Variants in ANPEP observed in about 807,000 individuals in gnomAD.
The protein encoded by ANPEP is aminopeptidase N.
Under a neutral mutation model 114.6 loss-of-function variants are expected in ANPEP, and 70 were observed. The ratio of observed to expected loss-of-function variants is 0.61; its 90% CI spans 0.50 to 0.75. ANPEP has a LOEUF of 0.75. ANPEP is among the 30% of genes least tolerant of loss of function. The pLI is 0.00. For synonymous variants in ANPEP, 548 were observed against 522.3 expected (o/e 1.05, Z -0.67); for missense variants, 1,184 against 1,259.5 (o/e 0.94, Z 0.91).
At chr15:89,804,763 C>G (rs1428007326) in intron 4 of ANPEP, 146 bp from the exon 5 acceptor site, 79 of 1,177,174 alleles carry the variant, frequency 6.7e-5, no homozygotes, top group Non-Finnish European at 9.3e-5. Context: ...GCCTGGTCAG[C>G]AGAGGGGAAC....
intron 20 of ANPEP, among the ~76,000 whole-genome samples, chr15:89,789,745 C>T (rs1968579879): frequency 7.0e-6 from 1 of 143,024 alleles, no homozygotes; most frequent in South Asian, 2.2e-4. Context: ...TGCACCACTC[C>T]AGCCTGCATG....
Position 89,799,693 on chromosome 15 carries a change from G to T in ANPEP, c.1820-134C>A. 1 of 1,299,182 alleles carries T rather than the reference G, an allele frequency of 7.7e-7. No individual in the cohort carries two copies. Among genetic ancestry groups the T allele is most frequent in the Non-Finnish European group, 1.1e-6 (1 of 937,488 alleles). 80.5% of individuals were successfully genotyped at this position (1,299,182 alleles called of 1,614,324 possible). A position where few individuals can be genotyped will look rare whatever the true frequency, so the allele number is the denominator to read the frequency against. On this transcript the variant is annotated intron_variant, in intron 12 of 20. Transcript: ENST00000300060. This position sits in a 1 kb window ranked among gnomAD's most constrained non-coding sequence, Gnocchi z 4.2. ...AGCTGCTGGGGAGACGCTAAGGGTG[G>T]GGAAGGAAGGGATGAGGAACTGGGC...
Position 89,806,364 on chromosome 15 carries a change from A to AACGATTCC in ANPEP, c.212_219dup (p.Tyr74GlyfsTer10), listed in dbSNP as rs755305411. 10 of 1,614,040 alleles carry AACGATTCC rather than the reference A, an allele frequency of 6.2e-6. No individual in the cohort carries two copies. The highest frequency in any genetic ancestry group is 8.5e-6 in the Non-Finnish European group (10 of 1,179,982). ...GGTTTCAGCGTGTTGGGGAGGCGGT[A>AACGATTCC]ACGATTCCACGCTTTACTTTGGTCC... On this transcript the variant is annotated frameshift_variant, in exon 2 of 21. Coordinates refer to ENST00000300060, the MANE Select transcript of ANPEP (RefSeq NM_001150.3). LOFTEE classifies it high-confidence loss of function. The surrounding 1 kb of genome is among the most constrained non-coding windows in gnomAD (Gnocchi z 5.7).
At position 89,805,111 on chromosome 15, in the gene ANPEP, G is replaced by A; in HGVS notation, c.864C>T (p.Asp288=). The change falls in exon 4 of 21, where the codon GAC becomes GAT. Residue 288 remains aspartate (D), a synonymous_variant. Coordinates refer to ENST00000300060, the MANE Select transcript of ANPEP (RefSeq NM_001150.3). ...CATTGGATGCCTGCTTCTCCACGTAGTCGAACTCACTGACAATGAAGGCCA... is the reference window on the plus strand; with the variant it reads ...CATTGGATGCCTGCTTCTCCACGTAATCGAACTCACTGACAATGAAGGCCA... ...YLLAFIVSEF[D]YVEKQASNGV... is the part of the protein sequence containing the mutation. The A allele has an allele frequency of 6.2e-7, 1 of 1,614,250 alleles. No homozygotes were observed. Among genetic ancestry groups the A allele is most frequent in the African/African-American group, 1.3e-5 (1 of 75,078 alleles).
chr15:89,811,519 G>A (rs1308376586), intron 1 of ANPEP, among the ~76,000 whole-genome samples: 4 of 151,786 alleles, frequency 2.6e-5, no homozygotes, highest in African/African-American at 9.7e-5. Context: ...GGTGGTGGGC[G>A]CCTGTAATCC....
At chr15:89,804,711 C>G in intron 4 of ANPEP, 94 bp from the exon 5 acceptor site, 1 of 1,519,974 alleles carries the variant, frequency 6.6e-7, no homozygotes, top group East Asian at 2.3e-5. Flanking sequence ...GGGGGGATCC[C>G]TGATGGGCCA....
At position 89,805,215 on chromosome 15, in the gene ANPEP, G is replaced by C. The variant is rs370085507; in HGVS notation, c.760C>G (p.Pro254Ala). The C allele has an allele frequency of 3.1e-6, 5 of 1,614,102 alleles. No homozygotes were observed. The African/African-American group carries it at 5.3e-5, about 17-fold the overall frequency. ...TALSNMLPKG[P>A]STPLPEDPNW... ...GGGTCTTCTGGAAGTGGGGTGCTGG[G>C]ACCTGGGCAGGGAGCATGTGTGTGT... Residue 254 changes from proline (P) to alanine (A), a missense_variant and splice_region_variant, in exon 4 of 21, where the codon CCC (proline) becomes GCC (alanine). Transcript: ENST00000300060.
chr15:89,812,262 A>T (rs1894829250), intron 1 of ANPEP, among the ~76,000 whole-genome samples: 1 of 152,206 alleles, frequency 6.6e-6, no homozygotes, highest in Non-Finnish European at 1.5e-5. Context: ...AGTGTCCCTG[A>T]CTGTGAACTA....
rs761940059 is a variant in ANPEP, at chr15:89,792,238, C to T, written c.2450G>A (p.Arg817Gln). The stretch of plus-strand genomic sequence containing the variant: ...AGCCTCATTGACCAGTGTGGCATTT[C>T]GGAACTGCTCCCAGGCGAAGTCCCA... The part of the protein sequence containing the change: ...EEWDFAWEQF[R>Q]NATLVNEADK... Residue 817 changes from arginine to glutamine, a missense_variant, in exon 18 of 21, where the codon CGA (arginine) becomes CAA (glutamine). Arg to Gln is a conservative substitution (Grantham distance 43). Coordinates refer to ENST00000300060, the MANE Select transcript of ANPEP (RefSeq NM_001150.3). The T allele has an allele frequency of 3.5e-5, 56 of 1,614,116 alleles. No homozygotes were observed. The highest frequency in any genetic ancestry group is 6.7e-5 in the African/African-American group (5 of 74,946).
At chr15:89,798,828 A>G (rs1022022067) in intron 14 of ANPEP, among the ~76,000 whole-genome samples, 1 of 152,140 alleles carries the variant, frequency 6.6e-6, no homozygotes, top group Non-Finnish European at 1.5e-5. Context: ...TAATCCCAGC[A>G]ACTCGGGAGG....
At chr15:89,809,089 TC>T (rs1045614000) in intron 1 of ANPEP, among the ~76,000 whole-genome samples, 26 of 152,100 alleles carry the variant, frequency 1.7e-4, no homozygotes, top group Non-Finnish European at 2.9e-4. Flanking sequence ...TCGTGCGAAA[TC>T]AGGTGTCAGG....
At chr15:89,794,299 C>G (rs1039361071) in intron 15 of ANPEP, among the ~76,000 whole-genome samples, 1 of 151,964 alleles carries the variant, frequency 6.6e-6, no homozygotes, top group African/African-American at 2.4e-5. Flanking sequence ...GCCTGGCCAA[C>G]GTGGTGAAAC....
Position 89,806,310 on chromosome 15 carries a change from A to ACGGTCTCAG in ANPEP, c.265_273dup (p.Leu89_Pro91dup). The ACGGTCTCAG allele has an allele frequency of 6.2e-7, 1 of 1,614,142 alleles. No homozygotes were observed. Among genetic ancestry groups the ACGGTCTCAG allele is most frequent in the Non-Finnish European group, 8.5e-7 (1 of 1,180,034 alleles). On this transcript the variant is annotated inframe_insertion, in exon 2 of 21. Coordinates refer to ENST00000300060, the MANE Select transcript of ANPEP (RefSeq NM_001150.3). This position sits in a 1 kb window ranked among gnomAD's most constrained non-coding sequence, Gnocchi z 5.7. Reference sequence around the variant, plus strand: ...AGGCCCCTGTCATTGGGGGTGAGGTACGGTCTCAGCGTCACCCGGTAGGAA... The same window carrying ACGGTCTCAG: ...AGGCCCCTGTCATTGGGGGTGAGGTACGGTCTCAGCGGTCTCAGCGTCACCCGGTAGGAA...
Position 89,785,184 on chromosome 15 carries a change from G to A in ANPEP, c.*165C>T, listed in dbSNP as rs1274907237. On this transcript the variant is annotated 3_prime_UTR_variant, in exon 21 of 21. Coordinates refer to ENST00000300060, the MANE Select transcript of ANPEP (RefSeq NM_001150.3). ...GTGCTCAGGCAGCCTGGGTCATCAG[G>A]AACTAGACTGGCTCACAGGCAGAGA... 8 of 929,412 alleles carry A rather than the reference G, an allele frequency of 8.6e-6. No homozygotes were observed. The highest frequency in any genetic ancestry group is 1.1e-5 in the Non-Finnish European group (7 of 624,254). The allele number at this position is 929,412 out of a possible 1,614,324, so 57.6% of individuals were successfully genotyped here.
chr15:89,799,457 T>G lies in ANPEP; in HGVS notation c.1922A>C (p.Lys641Thr). 1 of 1,614,166 alleles carries G rather than the reference T, an allele frequency of 6.2e-7. No homozygotes were observed. Among genetic ancestry groups the G allele is most frequent in the East Asian group, 2.2e-5 (1 of 44,880 alleles). Residue 641 changes from lysine (K) to threonine (T), a missense_variant, in exon 13 of 21, where the codon AAG (lysine) becomes ACG (threonine). Physicochemically the swap from Lys to Thr is moderately conservative, Grantham distance 78. Coordinates refer to ENST00000300060, the MANE Select transcript of ANPEP (RefSeq NM_001150.3). This position sits in a 1 kb window ranked among gnomAD's most constrained non-coding sequence, Gnocchi z 4.2. ...GTCTCTCTGCAGCTGAGTCTGAATC[T>G]TCCTCCAGTTCTCTTCGTCGTAGTT... is the stretch of plus-strand genomic sequence containing the variant. ...RVNYDEENWRKIQTQLQRDHS... is the reference protein window; with the variant it reads ...RVNYDEENWRTIQTQLQRDHS...
In ANPEP at chr15:89,805,979, T is replaced by C. The variant is rs775137582; in HGVS notation, c.605A>G (p.Asn202Ser). The change falls in exon 2 of 21, where the codon AAT becomes AGT. Residue 202 changes from asparagine to serine, a missense_variant. Physicochemically the swap from Asn to Ser is conservative, Grantham distance 46. Transcript: ENST00000300060. ...GFYRSEYMEG[N>S]VRKVVATTQM... ...CCCAGCCGGAACTCACTTTCTGACA[T>C]TGCCCTCCATGTACTCGCTGCGGTA... 8 of 1,586,780 alleles carry C rather than the reference T, an allele frequency of 5.0e-6. No homozygotes were observed. The highest frequency in any genetic ancestry group is 1.7e-4 in the Middle Eastern group (1 of 5,968).
At position 89,792,233 on chromosome 15, in the gene ANPEP, C is replaced by T. The variant is rs371279869; in HGVS notation, c.2455G>A (p.Ala819Thr). 1.4e-4 allele frequency: 225 copies of T among 1,614,208 alleles called. No homozygotes were observed. Among genetic ancestry groups the T allele is most frequent in the Middle Eastern group, 6.6e-4 (4 of 6,062 alleles). Reference sequence around the variant, plus strand: ...TTGTCAGCCTCATTGACCAGTGTGGCATTTCGGAACTGCTCCCAGGCGAAG... The same window carrying T: ...TTGTCAGCCTCATTGACCAGTGTGGTATTTCGGAACTGCTCCCAGGCGAAG... ...WDFAWEQFRN[A>T]TLVNEADKLR... The change falls in exon 18 of 21, where the codon GCC becomes ACC. Residue 819 changes from alanine to threonine, a missense_variant. By Grantham distance (58) the Ala-to-Thr change is moderately conservative. Transcript: ENST00000300060.
At chr15:89,801,396 C>G in intron 11 of ANPEP, 39 bp downstream of exon 11, 2 of 1,609,154 alleles carry the variant, frequency 1.2e-6, no homozygotes, top group Non-Finnish European at 1.7e-6. Context: ...CCCTCTACCC[C>G]ACCCACCTGA....
At chr15:89,792,683 C>T (rs1290169268) in intron 16 of ANPEP, 121 bp from the exon 17 acceptor site, 8 of 827,138 alleles carry the variant, frequency 9.7e-6, no homozygotes, top group African/African-American at 3.4e-5. Context: ...GGCCCTCTGA[C>T]CCCCGCTGTA....
Sources: gnomAD v4.1 joint callset for allele counts (sites outside exome capture counted in the v4.1 genomes callset) on GRCh38, gnomAD v4.1.1 for gene constraint, Gnocchi (gnomAD v3.1) non-coding constraint, MANE v1.5 for transcripts, NCBI Gene and HGNC (gene_info 2026-07-23, HGNC 2026-07-21) for gene names.